Variants in IFT56 observed in about 807,000 individuals in gnomAD.
The protein encoded by IFT56 is intraflagellar transport protein 56.
chr7:139,161,789 C>G, the IFT56 span, among the ~76,000 whole-genome samples: 1 of 152,108 alleles, frequency 6.6e-6, no homozygotes, highest in African/African-American at 2.4e-5. Context: ...TATATTTACT[C>G]CATTTCTTAT....
the IFT56 span, among the ~76,000 whole-genome samples, chr7:139,141,056 C>T: frequency 2.0e-5 from 3 of 150,236 alleles, no homozygotes; most frequent in Admixed American, 6.6e-5. Context: ...GTCAGGAGAT[C>T]GAGACCATCC....
the IFT56 span, among the ~76,000 whole-genome samples, chr7:139,170,992 TGTG>T: frequency 6.6e-6 from 1 of 152,188 alleles, no homozygotes. Context: ...CATAAGCAAA[TGTG>T]GTAAAATTGC....
At chr7:139,168,569 C>CA in the IFT56 span, 59,942 of 365,410 alleles carry the variant, frequency 0.16, 772 homozygotes, top group Non-Finnish European at 0.22. Context: ...TATTTAGAGA[C>CA]AAAAAAAAAA....
chr7:139,164,651 A>C, the IFT56 span, among the ~76,000 whole-genome samples: 1 of 152,224 alleles, frequency 6.6e-6, no homozygotes, highest in Non-Finnish European at 1.5e-5. Flanking sequence ...TTCAAAAAAT[A>C]ACCAAGTGCT....
the IFT56 span, chr7:139,181,245 A>G: frequency 2.9e-6 from 4 of 1,383,236 alleles, 1 homozygote; most frequent in Middle Eastern, 5.3e-4. Flanking sequence ...TCATTATCAC[A>G]TTGCTGCATT....
the IFT56 span, among the ~76,000 whole-genome samples, chr7:139,175,337 G>A: frequency 6.6e-6 from 1 of 152,108 alleles, no homozygotes; most frequent in Non-Finnish European, 1.5e-5. Flanking sequence ...ACTAAAAATA[G>A]GATGACCATA....
At chr7:139,163,269 G>A in the IFT56 span, among the ~76,000 whole-genome samples, 1 of 151,148 alleles carries the variant, frequency 6.6e-6, no homozygotes, top group African/African-American at 2.4e-5. Context: ...GTGAACCCGG[G>A]AGGCGAAGCT....
chr7:139,186,207 C>T, the IFT56 span, among the ~76,000 whole-genome samples: 1 of 152,076 alleles, frequency 6.6e-6, no homozygotes, highest in Non-Finnish European at 1.5e-5. Context: ...GTGGGAGGAT[C>T]ACTTGAGGCC....
the IFT56 span, among the ~76,000 whole-genome samples, chr7:139,179,129 C>T: frequency 1.3e-5 from 2 of 152,176 alleles, no homozygotes; most frequent in African/African-American, 4.8e-5. Context: ...CCTATAATCC[C>T]AACATTTCAG....
the IFT56 span, among the ~76,000 whole-genome samples, chr7:139,166,619 C>A: frequency 6.6e-6 from 1 of 152,076 alleles, no homozygotes; most frequent in African/African-American, 2.4e-5. Flanking sequence ...TTAGCTTCAA[C>A]AATTTTTAAG....
chr7:139,142,231 T>G, the IFT56 span: 2 of 1,613,986 alleles, frequency 1.2e-6, no homozygotes, highest in East Asian at 2.2e-5. Flanking sequence ...AGTTCTTTAA[T>G]AAGCAGCTTG....
At chr7:139,138,174 C>T in the IFT56 span, among the ~76,000 whole-genome samples, 7 of 152,112 alleles carry the variant, frequency 4.6e-5, no homozygotes. Context: ...AGTAGTTCCC[C>T]CTTGTCTATG....
At chr7:139,154,971 TCC>T in the IFT56 span, among the ~76,000 whole-genome samples, 2,451 of 152,232 alleles carry the variant, frequency 0.016, 65 homozygotes, top group African/African-American at 0.055. Context: ...GGAATGTTTT[TCC>T]ATTTATTTAG....
At chr7:139,143,719 A>T in the IFT56 span, among the ~76,000 whole-genome samples, 3,429 of 151,886 alleles carry the variant, frequency 0.023, 96 homozygotes, top group African/African-American at 0.076. Context: ...TCCTGTTATT[A>T]GTTCTCTATT....
the IFT56 span, among the ~76,000 whole-genome samples, chr7:139,185,407 A>G: frequency 1.3e-5 from 2 of 152,032 alleles, no homozygotes; most frequent in Non-Finnish European, 2.9e-5. Flanking sequence ...CCTCTGTCCT[A>G]TCTTTGTCCA....
chr7:139,157,139 C>CTTT, the IFT56 span, among the ~76,000 whole-genome samples: 3,681 of 81,728 alleles, frequency 0.045, 19 homozygotes, highest in Non-Finnish European at 0.072. Context: ...TCTTTAATTT[C>CTTT]TTTTTTTTTT....
chr7:139,168,570 A>C, the IFT56 span: 3 of 224,170 alleles, frequency 1.3e-5, no homozygotes, highest in East Asian at 2.9e-4. Flanking sequence ...ATTTAGAGAC[A>C]AAAAAAAAAA....
chr7:139,156,389 CT>C, the IFT56 span, among the ~76,000 whole-genome samples: 37,422 of 147,376 alleles, frequency 0.25, 8,345 homozygotes, highest in African/African-American at 0.57. Flanking sequence ...TTAGTTTTCT[CT>C]TTTTTTTTTA....
At chr7:139,168,113 A>T in the IFT56 span, among the ~76,000 whole-genome samples, 2 of 152,152 alleles carry the variant, frequency 1.3e-5, no homozygotes, top group African/African-American at 4.8e-5. Flanking sequence ...ATTTTTGCTT[A>T]AGATTGAGAA....
Sources: gnomAD v4.1 joint callset for allele counts (sites outside exome capture counted in the v4.1 genomes callset) on GRCh38, gnomAD v4.1.1 for gene constraint, MANE v1.5 for transcripts, NCBI Gene and HGNC (gene_info 2026-07-23, HGNC 2026-07-21) for gene names.